Variants in TRAFD1 observed in about 807,000 individuals in gnomAD.
The protein encoded by TRAFD1 is TRAF-type zinc finger domain-containing protein 1.
Under a neutral mutation model 65.3 loss-of-function variants are expected in TRAFD1, and 38 were observed. The observed-to-expected ratio is 0.58, with a 90% CI of 0.45 to 0.76. The LOEUF (loss-of-function observed/expected upper bound fraction) is 0.76. TRAFD1 is among the 30% of genes least tolerant of loss of function. TRAFD1 has a pLI of 0.00. For synonymous variants in TRAFD1, 223 were observed against 257.2 expected (o/e 0.87, Z 1.27); for missense variants, 631 against 712.6 (o/e 0.89, Z 1.30).
rs762326533 is a variant in TRAFD1, at chr12:112,130,516, G to A, written c.-7G>A. On this transcript the variant is annotated 5_prime_UTR_variant, in exon 2 of 12. Coordinates refer to ENST00000412615, the MANE Select transcript of TRAFD1 (RefSeq NM_006700.3). The surrounding 1 kb of genome is among the most constrained non-coding windows in gnomAD (Gnocchi z 4.4). ...TCTTCCTTTGTGGTTTTCAGGAAGA[G>A]CTAAAGATGGCTGAATTTCTAGATG... 7 of 1,612,912 alleles carry A rather than the reference G, an allele frequency of 4.3e-6. No homozygotes were observed. The highest frequency in any genetic ancestry group is 5.9e-6 in the Non-Finnish European group (7 of 1,179,346).
At chr12:112,150,608 A>C (rs1468568042) in intron 9 of TRAFD1, among the ~76,000 whole-genome samples, 1 of 151,784 alleles carries the variant, frequency 6.6e-6, no homozygotes, top group East Asian at 1.9e-4. Context: ...TCCAGGCTGG[A>C]GTGCAGTGGC....
chr12:112,149,470 T>TA (rs1237615582), intron 8 of TRAFD1: 5 of 309,514 alleles, frequency 1.6e-5, no homozygotes, highest in South Asian at 1.1e-4. Context: ...TGAATAGTCT[T>TA]AAAAAACAGA....
Position 112,148,155 on chromosome 12 carries a change from A to G in TRAFD1, c.1009A>G (p.Ile337Val), listed in dbSNP as rs551469131. 6.8e-6 allele frequency: 11 copies of G among 1,614,208 alleles called. No individual in the cohort carries two copies. The highest frequency in any genetic ancestry group is 5.3e-5 in the African/African-American group (4 of 75,050). Reference protein sequence around the residue: ...SPRGVEEPDVIFQNFLQQAAS... With the variant: ...SPRGVEEPDVVFQNFLQQAAS... ...CAGAGGGGTGGAGGAACCTGATGTC[A>G]TCTTCCAGAACTTCTTGCAACAGGC... The change falls in exon 8 of 12, where the codon ATC (isoleucine) becomes GTC (valine). Residue 337 changes from isoleucine (I) to valine (V), a missense_variant. Transcript: ENST00000412615.
intron 6 of TRAFD1, among the ~76,000 whole-genome samples, 164 bp from the exon 7 acceptor site, chr12:112,145,422 C>T (rs1373614886): frequency 6.6e-6 from 1 of 152,136 alleles, no homozygotes; most frequent in Non-Finnish European, 1.5e-5. Flanking sequence ...GAGTTTATCT[C>T]TTGGATGGGT....
At chr12:112,149,910 AC>A in intron 9 of TRAFD1, 39 bp downstream of exon 9, 1 of 1,611,720 alleles carries the variant, frequency 6.2e-7, no homozygotes, top group Non-Finnish European at 8.5e-7. Flanking sequence ...CCGCAGGTCT[AC>A]TGCTGGCTCC....
intron 2 of TRAFD1, 123 bp from the exon 3 acceptor site, chr12:112,134,615 C>T (rs1336403650): frequency 8.8e-7 from 1 of 1,138,480 alleles, no homozygotes; most frequent in African/African-American, 1.6e-5. Flanking sequence ...GCTAGGTATT[C>T]ACTAAAGATA....
In TRAFD1 at chr12:112,153,233, C is replaced by T. The variant is rs1410700201; in HGVS notation, c.*442C>T. Reference sequence around the variant, plus strand: ...TCCGTGTACTGCGTCTGTCCACACTCGATTGGGCCCCAGGTGTGTATGAGG... The same window carrying T: ...TCCGTGTACTGCGTCTGTCCACACTTGATTGGGCCCCAGGTGTGTATGAGG... On this transcript the variant is annotated 3_prime_UTR_variant, in exon 12 of 12. Transcript: ENST00000412615. 1.2e-5 allele frequency: 2 copies of T among 163,660 alleles called. No individual in the cohort carries two copies. The highest frequency in any genetic ancestry group is 2.7e-5 in the Non-Finnish European group (2 of 74,972). The allele number at this position is 163,660 out of a possible 1,614,324, so 10.1% of individuals were successfully genotyped here.
At chr12:112,151,735 C>T in intron 9 of TRAFD1, 66 bp from the exon 10 acceptor site, 2 of 1,473,370 alleles carry the variant, frequency 1.4e-6, no homozygotes, top group Non-Finnish European at 1.8e-6. Context: ...TTTGTTCCTG[C>T]CCTAAACCTG....
At chr12:112,135,155 T>G in intron 4 of TRAFD1, 89 bp downstream of exon 4, 1 of 1,450,102 alleles carries the variant, frequency 6.9e-7, no homozygotes, top group African/African-American at 1.4e-5. Context: ...GGTTGAGTGT[T>G]AGTTCTCCGT....
chr12:112,130,520 A>T lies in TRAFD1; in HGVS notation c.-3A>T. On this transcript the variant is annotated 5_prime_UTR_variant, in exon 2 of 12. Coordinates refer to ENST00000412615, the MANE Select transcript of TRAFD1 (RefSeq NM_006700.3). The surrounding 1 kb of genome is among the most constrained non-coding windows in gnomAD (Gnocchi z 4.4). The stretch of plus-strand genomic sequence containing the variant: ...CCTTTGTGGTTTTCAGGAAGAGCTA[A>T]AGATGGCTGAATTTCTAGATGACCA... 5.6e-6 allele frequency: 9 copies of T among 1,613,170 alleles called. No individual in the cohort carries two copies. Among genetic ancestry groups the T allele is most frequent in the Non-Finnish European group, 7.6e-6 (9 of 1,179,476 alleles).
intron 4 of TRAFD1, among the ~76,000 whole-genome samples, chr12:112,138,853 G>A (rs1475267882): frequency 7.9e-6 from 1 of 126,608 alleles, no homozygotes; most frequent in Non-Finnish European, 1.6e-5. Flanking sequence ...AGCGAACTCC[G>A]TCTCAAAAAA....
intron 1 of TRAFD1, among the ~76,000 whole-genome samples, chr12:112,128,822 T>TA (rs1244041897): frequency 6.6e-6 from 1 of 151,892 alleles, no homozygotes; most frequent in Non-Finnish European, 1.5e-5. Flanking sequence ...TGGTGGATCA[T>TA]ATGAGGTCAG....
intron 2 of TRAFD1, chr12:112,133,032 C>A (rs2034907183): frequency 6.6e-6 from 1 of 152,112 alleles, no homozygotes; most frequent in South Asian, 2.1e-4. Flanking sequence ...AAAGTAAGGC[C>A]TTTGAATAGA....
intron 2 of TRAFD1, among the ~76,000 whole-genome samples, chr12:112,134,158 G>A (rs936263784): frequency 6.7e-6 from 1 of 148,668 alleles, no homozygotes; most frequent in Non-Finnish European, 1.5e-5. Flanking sequence ...TTACAGGCAT[G>A]TGCCGCCACA....
In TRAFD1 at chr12:112,134,310, A is replaced by AGTTT. The variant is rs1385020211; in HGVS notation, c.48-427_48-424dup. On this transcript the variant is annotated intron_variant, in intron 2 of 11. Transcript: ENST00000412615. Reference sequence around the variant, plus strand: ...CAGGCGTGAGCCACGGCGCCCGGCCAGTTTTTTTTTTTTTTTTTTATAGCA... The same window carrying AGTTT: ...CAGGCGTGAGCCACGGCGCCCGGCCAGTTTGTTTTTTTTTTTTTTTTTTATAGCA... 1.4e-4 allele frequency among the ~76,000 whole-genome samples: 18 copies of AGTTT among 131,306 alleles called. No individual in the cohort carries two copies. The East Asian group carries it at 3.9e-3, about 28-fold the overall frequency. The allele number at this position is 131,306 out of a possible 152,430, so 86.1% of individuals were successfully genotyped here.
At chr12:112,143,240 C>T (rs1476328066) in intron 6 of TRAFD1, among the ~76,000 whole-genome samples, 2 of 152,180 alleles carry the variant, frequency 1.3e-5, no homozygotes, top group Admixed American at 6.5e-5. Flanking sequence ...CCACTACACC[C>T]GGCCAATTTT....
chr12:112,126,716 G>T lies in TRAFD1; in HGVS notation c.-13+1098G>T, dbSNP rs371842047. On this transcript the variant is annotated intron_variant, in intron 1 of 11. Transcript: ENST00000412615. Reference sequence around the variant, plus strand: ...GTTGTTCAGGTTGGAGTGCAGTGGCGAGATCTCAGCTCACTGCAGCCTCCG... The same window carrying T: ...GTTGTTCAGGTTGGAGTGCAGTGGCTAGATCTCAGCTCACTGCAGCCTCCG... 5.9e-5 allele frequency among the ~76,000 whole-genome samples: 9 copies of T among 151,760 alleles called. No individual in the cohort carries two copies. In the South Asian group the frequency reaches 1.0e-3, roughly 18 times the overall value.
chr12:112,151,184 G>A (rs1416618126), intron 9 of TRAFD1, among the ~76,000 whole-genome samples: 1 of 151,886 alleles, frequency 6.6e-6, no homozygotes, highest in Non-Finnish European at 1.5e-5. Flanking sequence ...GCTGCAGTGA[G>A]CCAAAATCAT....
chr12:112,140,181 GA>G, intron 4 of TRAFD1: 1 of 300,674 alleles, frequency 3.3e-6, no homozygotes, highest in South Asian at 2.6e-5. Context: ...AGCACTTTGG[GA>G]GGCTGAGGCG....
Sources: allele counts gnomAD v4.1 joint callset (sites outside exome capture counted in the v4.1 genomes callset), GRCh38; gene constraint gnomAD v4.1.1; non-coding constraint Gnocchi (gnomAD v3.1); transcripts MANE v1.5; gene names NCBI Gene and HGNC (gene_info 2026-07-23, HGNC 2026-07-21).